BTBD9: variants seen among roughly 807,000 people sequenced by gnomAD.
The protein encoded by BTBD9 is BTB/POZ domain-containing protein 9.
BTBD9 carries 49 observed loss-of-function variants against 64.3 expected under a neutral mutation model. That is an observed-to-expected ratio of 0.76 (90% CI 0.61 to 0.97). The LOEUF (loss-of-function observed/expected upper bound fraction) is 0.97, where lower values mean the gene tolerates loss of function less well. BTBD9 is among the 50% of genes least tolerant of loss of function. The pLI is 0.00. For synonymous variants in BTBD9, 260 were observed against 274.7 expected (o/e 0.95, Z 0.53); for missense variants, 598 against 762.1 (o/e 0.78, Z 2.53).
At chr6:38,556,435 T>C (rs1196231012) in intron 6 of BTBD9, among the ~76,000 whole-genome samples, 2 of 151,672 alleles carry the variant, frequency 1.3e-5, no homozygotes, top group Non-Finnish European at 2.9e-5. Context: ...GTCTGGAAAG[T>C]CAAATGGCAA....
chr6:38,211,362 G>A (rs1369469706), intron 9 of BTBD9, among the ~76,000 whole-genome samples: 2 of 151,406 alleles, frequency 1.3e-5, no homozygotes, highest in South Asian at 4.2e-4. Flanking sequence ...CTGGGAGGCA[G>A]AGCTTGCAGT....
intron 6 of BTBD9, among the ~76,000 whole-genome samples, chr6:38,347,079 T>G (rs1489210551): frequency 6.6e-6 from 1 of 152,178 alleles, no homozygotes; most frequent in Non-Finnish European, 1.5e-5. Flanking sequence ...CTCCTGTTCT[T>G]TCTTTTTAAA....
intron 6 of BTBD9, among the ~76,000 whole-genome samples, chr6:38,413,722 C>G (rs1011871570): frequency 3.9e-5 from 6 of 152,138 alleles, no homozygotes; most frequent in Non-Finnish European, 7.3e-5. Context: ...TAGTGTATCC[C>G]ATCCTATGCT....
chr6:38,432,124 C>T (rs1188572350), intron 6 of BTBD9, among the ~76,000 whole-genome samples: 3 of 152,000 alleles, frequency 2.0e-5, no homozygotes, highest in African/African-American at 2.4e-5. Context: ...GGAAGGCTAT[C>T]ATGTTTTGTC....
At chr6:38,625,851 C>G (rs992191795) in intron 1 of BTBD9, among the ~76,000 whole-genome samples, 1 of 152,168 alleles carries the variant, frequency 6.6e-6, no homozygotes, top group African/African-American at 2.4e-5. Context: ...TAAAATAAAA[C>G]ACATGAAGGA....
At chr6:38,231,001 C>T (rs1221588777) in intron 9 of BTBD9, among the ~76,000 whole-genome samples, 1 of 152,126 alleles carries the variant, frequency 6.6e-6, no homozygotes, top group Admixed American at 6.6e-5. Flanking sequence ...AAGTAGGGAT[C>T]CTGTCTGCCT....
intron 1 of BTBD9, among the ~76,000 whole-genome samples, chr6:38,603,760 C>CG (rs1182451204): frequency 2.2e-4 from 33 of 152,178 alleles, no homozygotes; most frequent in Non-Finnish European, 1.6e-4. Flanking sequence ...AAAGCCTTTA[C>CG]GGGAAAAAAG....
At chr6:38,374,297 G>GTGTATA (rs1582317340) in intron 6 of BTBD9, among the ~76,000 whole-genome samples, 2 of 53,700 alleles carry the variant, frequency 3.7e-5, no homozygotes, top group African/African-American at 1.8e-4. Flanking sequence ...ATATATATAT[G>GTGTATA]TATATATATG....
chr6:38,447,049 T>C (rs537198374), intron 6 of BTBD9, among the ~76,000 whole-genome samples: 4 of 152,350 alleles, frequency 2.6e-5, no homozygotes, highest in South Asian at 2.1e-4. Context: ...TCTTCTTTAA[T>C]GGCATTTCAC....
At chr6:38,485,472 G>A (rs555236110) in intron 6 of BTBD9, among the ~76,000 whole-genome samples, 3 of 152,260 alleles carry the variant, frequency 2.0e-5, no homozygotes, top group African/African-American at 4.8e-5. Flanking sequence ...CTTGATCCAC[G>A]GGCTGCAGAA....
At chr6:38,377,687 C>T (rs1208967554) in intron 6 of BTBD9, among the ~76,000 whole-genome samples, 3 of 152,058 alleles carry the variant, frequency 2.0e-5, no homozygotes, top group Non-Finnish European at 2.9e-5. Context: ...TTCCCAGTTG[C>T]AATATTTGAG....
intron 6 of BTBD9, among the ~76,000 whole-genome samples, chr6:38,368,608 C>T (rs1473090698): frequency 6.6e-6 from 1 of 152,152 alleles, no homozygotes; most frequent in Non-Finnish European, 1.5e-5. Flanking sequence ...GCTAGGATTA[C>T]AGGTGTGAGC....
At chr6:38,470,549 C>T (rs775147424) in intron 6 of BTBD9, among the ~76,000 whole-genome samples, 4 of 152,174 alleles carry the variant, frequency 2.6e-5, no homozygotes, top group Non-Finnish European at 5.9e-5. Flanking sequence ...TTGTGGAAAT[C>T]CTTCAGATAC....
chr6:38,500,429 C>T (rs1397611552), intron 6 of BTBD9, among the ~76,000 whole-genome samples: 1 of 152,192 alleles, frequency 6.6e-6, no homozygotes, highest in Non-Finnish European at 1.5e-5. Context: ...AAAGTGCTTG[C>T]TGATTTTCTT....
At chr6:38,459,974 C>A (rs766435797) in intron 6 of BTBD9, among the ~76,000 whole-genome samples, 4 of 152,116 alleles carry the variant, frequency 2.6e-5, no homozygotes, top group Non-Finnish European at 5.9e-5. Context: ...TATTTCATTT[C>A]TTTCATCATT....
At chr6:38,375,950 GGAA>G (rs1765678507) in intron 6 of BTBD9, among the ~76,000 whole-genome samples, 11 of 72,480 alleles carry the variant, frequency 1.5e-4, no homozygotes, top group Admixed American at 9.9e-4. Flanking sequence ...AAGGAAAGAA[GGAA>G]AGAAAGAAAG....
intron 6 of BTBD9, among the ~76,000 whole-genome samples, chr6:38,387,601 G>A (rs948384468): frequency 1.3e-5 from 2 of 151,818 alleles, no homozygotes; most frequent in African/African-American, 4.8e-5. Context: ...GCCATATGAA[G>A]GCATCATGTA....
At chr6:38,487,121 A>G (rs540755875) in intron 6 of BTBD9, among the ~76,000 whole-genome samples, 1 of 152,360 alleles carries the variant, frequency 6.6e-6, no homozygotes, top group East Asian at 1.9e-4. Context: ...CACAATATAA[A>G]GAACAATTTA....
chr6:38,355,799 A>C (rs1764705360), intron 6 of BTBD9, among the ~76,000 whole-genome samples: 1 of 152,124 alleles, frequency 6.6e-6, no homozygotes, highest in African/African-American at 2.4e-5. Context: ...CAGCCTGCAC[A>C]CTGTATCTCA....
Sources: allele counts gnomAD v4.1 joint callset (sites outside exome capture counted in the v4.1 genomes callset), GRCh38; gene constraint gnomAD v4.1.1; transcripts MANE v1.5; gene names NCBI Gene and HGNC (gene_info 2026-07-23, HGNC 2026-07-21).